The following GRIK4 variants were observed in gnomAD, a reference collection of about 807,000 sequenced individuals.
The protein encoded by GRIK4 is glutamate receptor ionotropic, kainate 4.
Under a neutral mutation model 104.9 loss-of-function variants are expected in GRIK4, and 40 were observed. The observed-to-expected ratio is 0.38, with a 90% CI of 0.30 to 0.50. The LOEUF (loss-of-function observed/expected upper bound fraction) is 0.50, where lower values mean the gene tolerates loss of function less well. Ranked by LOEUF, GRIK4 falls within the 20% of genes least tolerant of loss-of-function variation. GRIK4 has a pLI of 0.93. For missense variants in GRIK4, 1,047 were observed against 1,308.1 expected (o/e 0.80, Z 3.08); for synonymous variants, 485 against 524.9 (o/e 0.92, Z 1.04).
intron 4 of GRIK4, among the ~76,000 whole-genome samples, chr11:120,806,161 T>C (rs1952707645): frequency 6.6e-6 from 1 of 152,168 alleles, no homozygotes; most frequent in African/African-American, 2.4e-5. Context: ...GTTGGCTTCA[T>C]TCTCTCACCC....
At chr11:120,525,542 A>T (rs149833302) in intron 1 of GRIK4, among the ~76,000 whole-genome samples, 1 of 152,208 alleles carries the variant, frequency 6.6e-6, no homozygotes, top group Non-Finnish European at 1.5e-5. Context: ...TGAGAGGCAC[A>T]TGGAGAAGAG....
Position 120,926,359 on chromosome 11 carries a change from T to A in GRIK4, c.1477-13988T>A, listed in dbSNP as rs115049463. Among the ~76,000 whole-genome samples, 1,037 of 152,332 alleles carry A rather than the reference T, an allele frequency of 6.8e-3. 24 individuals are homozygous for A. The highest frequency in any genetic ancestry group is 0.023 in the African/African-American group (943 of 41,568). ...AATAAATAAAATTGAAGTGAATCCT[T>A]TAAGTTGCAACAAAATAATAAAGGC... On this transcript the variant is annotated intron_variant, in intron 13 of 20. Coordinates refer to ENST00000527524, the MANE Select transcript of GRIK4 (RefSeq NM_014619.5).
intron 8 of GRIK4, among the ~76,000 whole-genome samples, chr11:120,838,149 A>G (rs958733411): frequency 1.3e-5 from 2 of 152,184 alleles, no homozygotes; most frequent in South Asian, 4.1e-4. Context: ...CATAAGAATG[A>G]TGGTGATGAT....
At chr11:120,768,671 A>G (rs953603575) in intron 3 of GRIK4, among the ~76,000 whole-genome samples, 2 of 152,204 alleles carry the variant, frequency 1.3e-5, no homozygotes, top group Non-Finnish European at 2.9e-5. Flanking sequence ...GAGTTTAGCT[A>G]TGGGTTTTTA....
intron 3 of GRIK4, among the ~76,000 whole-genome samples, chr11:120,777,033 G>A: frequency 6.6e-6 from 1 of 152,166 alleles, no homozygotes; most frequent in East Asian, 1.9e-4. Flanking sequence ...ATCCTTGGGG[G>A]CTGGCTATGA....
Position 120,863,226 on chromosome 11 carries a change from AGAT to A in GRIK4, c.906+1110_906+1112del, listed in dbSNP as rs536111524. 7.3e-4 allele frequency among the ~76,000 whole-genome samples: 111 copies of A among 152,374 alleles called. No individual in the cohort carries two copies. The East Asian group carries it at 0.02, about 28-fold the overall frequency. On this transcript the variant is annotated intron_variant, in intron 9 of 20. Transcript: ENST00000527524. Reference sequence around the variant, plus strand: ...ACAACTTATATGATGGTGGTCCCATAGATGATAATACCACATTTTTCTTGTCCC... The same window carrying A: ...ACAACTTATATGATGGTGGTCCCATAGATAATACCACATTTTTCTTGTCCC...
rs1948121881 is a variant in GRIK4, at chr11:120,549,802, C to T, written c.-159+37915C>T. 6.6e-6 allele frequency among the ~76,000 whole-genome samples: 1 copy of T among 152,188 alleles called. No individual in the cohort carries two copies. The highest frequency in any genetic ancestry group is 1.5e-5 in the Non-Finnish European group (1 of 68,030). On this transcript the variant is annotated intron_variant, in intron 1 of 20. Transcript: ENST00000527524. The surrounding 1 kb of genome is among the most constrained non-coding windows in gnomAD (Gnocchi z 4.7). Reference sequence around the variant, plus strand: ...ACAGAGCCCCTAGGGACCAAGGAATCAACTGAACGGCCAGGCTGCTGCCAG... The same window carrying T: ...ACAGAGCCCCTAGGGACCAAGGAATTAACTGAACGGCCAGGCTGCTGCCAG...
intron 1 of GRIK4, among the ~76,000 whole-genome samples, chr11:120,581,578 C>G (rs1948581169): frequency 6.6e-6 from 1 of 152,162 alleles, no homozygotes; most frequent in South Asian, 2.1e-4. Context: ...CCCTCTTCCC[C>G]TCGGTTCCTA....
rs186981517 is a variant in GRIK4, at chr11:120,620,684, T to C, written c.-158-33001T>C. ...TCATAGCCTTGTGGAAAAGTTCTGG[T>C]TTAATTTTTTAAATAAATATTTATT... On this transcript the variant is annotated intron_variant, in intron 1 of 20. Coordinates refer to ENST00000527524, the MANE Select transcript of GRIK4 (RefSeq NM_014619.5). 2.0e-4 allele frequency among the ~76,000 whole-genome samples: 31 copies of C among 152,304 alleles called. 1 individual carries two copies. In the East Asian group the frequency reaches 5.6e-3, roughly 27 times the overall value.
chr11:120,626,880 A>G (rs1949267040), intron 1 of GRIK4, among the ~76,000 whole-genome samples: 1 of 152,206 alleles, frequency 6.6e-6, no homozygotes, highest in African/African-American at 2.4e-5. Context: ...CTTATGATCT[A>G]CCCTAAAGAA....
chr11:120,753,670 C>G (rs1243353214), intron 3 of GRIK4, among the ~76,000 whole-genome samples: 1 of 152,130 alleles, frequency 6.6e-6, no homozygotes, highest in Non-Finnish European at 1.5e-5. Context: ...ATCTTAGGTG[C>G]TGTGGGGGAG....
intron 1 of GRIK4, among the ~76,000 whole-genome samples, chr11:120,602,950 G>C (rs532941036): frequency 1.3e-5 from 2 of 152,296 alleles, no homozygotes; most frequent in South Asian, 4.2e-4. Context: ...CAGTCTTCCT[G>C]CCGCAGCCTC....
chr11:120,564,798 C>T (rs1397069018), intron 1 of GRIK4: 1 of 150,748 alleles, frequency 6.6e-6, no homozygotes, highest in Non-Finnish European at 1.5e-5. Flanking sequence ...GCCTCCGCCT[C>T]GCCCCTCGAG....
chr11:120,740,418 GA>G (rs1951307044), intron 3 of GRIK4, among the ~76,000 whole-genome samples: 1 of 152,146 alleles, frequency 6.6e-6, no homozygotes, highest in Non-Finnish European at 1.5e-5. Flanking sequence ...CTAGAGAAAG[GA>G]TAGGGACTGA....
intron 19 of GRIK4, among the ~76,000 whole-genome samples, chr11:120,977,096 G>A (rs978381579): frequency 2.0e-5 from 3 of 152,106 alleles, no homozygotes; most frequent in Non-Finnish European, 4.4e-5. Flanking sequence ...CATTTTTTGG[G>A]CAAAATATTT....
intron 14 of GRIK4, among the ~76,000 whole-genome samples, chr11:120,949,760 T>C (rs947453262): frequency 3.3e-5 from 5 of 152,172 alleles, no homozygotes; most frequent in South Asian, 2.1e-4. Context: ...GTGGCATGCC[T>C]ATGGCACAGC....
intron 20 of GRIK4, among the ~76,000 whole-genome samples, chr11:120,985,395 C>A (rs1444201251): frequency 6.6e-6 from 1 of 152,132 alleles, no homozygotes; most frequent in Non-Finnish European, 1.5e-5. Context: ...AGGATACATC[C>A]ACCTCCTGCT....
chr11:120,622,003 C>T (rs1053507715), intron 1 of GRIK4, among the ~76,000 whole-genome samples: 4 of 152,126 alleles, frequency 2.6e-5, no homozygotes, highest in South Asian at 2.1e-4. Flanking sequence ...TGGGTTCAAG[C>T]GATTCTCCTG....
chr11:120,706,461 C>T (rs2135344322), intron 3 of GRIK4, among the ~76,000 whole-genome samples: 1 of 152,228 alleles, frequency 6.6e-6, no homozygotes, highest in East Asian at 1.9e-4. Context: ...CATGTGTCTG[C>T]CCTGTGTCTC....
Sources: gnomAD v4.1 joint callset for allele counts (sites outside exome capture counted in the v4.1 genomes callset) on GRCh38, gnomAD v4.1.1 for gene constraint, Gnocchi (gnomAD v3.1) non-coding constraint, MANE v1.5 for transcripts, NCBI Gene and HGNC (gene_info 2026-07-23, HGNC 2026-07-21) for gene names.